MTRFR: variants seen among roughly 807,000 people sequenced by gnomAD.
The protein encoded by MTRFR is probable peptide chain release factor C12orf65, mitochondrial.
Under a neutral mutation model 11.9 loss-of-function variants are expected in MTRFR, and 10 were observed. The observed-to-expected ratio is 0.84, with a 90% CI of 0.52 to 1.42. The LOEUF (loss-of-function observed/expected upper bound fraction) is 1.42. Ranked by LOEUF, MTRFR falls within the 40% of genes most tolerant of loss-of-function variation. MTRFR has a pLI of 0.00. For missense variants in MTRFR, 196 were observed against 197.9 expected (o/e 0.99, Z 0.06); for synonymous variants, 77 against 79.1 (o/e 0.97, Z 0.14).
At chr12:123,238,290 T>C (rs2047882049) in intron 1 of MTRFR, among the ~76,000 whole-genome samples, 1 of 152,164 alleles carries the variant, frequency 6.6e-6, no homozygotes, top group Non-Finnish European at 1.5e-5. Flanking sequence ...GCTGGCCGTT[T>C]TGTCTTTTCA....
chr12:123,254,752 A>G (rs926280905), intron 2 of MTRFR: 1 of 152,222 alleles, frequency 6.6e-6, no homozygotes, highest in Non-Finnish European at 1.5e-5. Flanking sequence ...TCTGGTCAAC[A>G]TGGCAAAACC....
At chr12:123,237,930 C>CT (rs1657556244) in intron 1 of MTRFR, among the ~76,000 whole-genome samples, 1 of 150,830 alleles carries the variant, frequency 6.6e-6, no homozygotes, top group South Asian at 2.1e-4. Context: ...GAGTCTCACT[C>CT]TGTCACCCAG....
intron 1 of MTRFR, among the ~76,000 whole-genome samples, chr12:123,245,734 C>T (rs2048029971): frequency 6.6e-6 from 1 of 152,150 alleles, no homozygotes; most frequent in African/African-American, 2.4e-5. Context: ...AGAAAAGCTA[C>T]TGATTTGTGT....
At chr12:123,247,855 G>A (rs1476799391) in intron 1 of MTRFR, among the ~76,000 whole-genome samples, 3 of 151,950 alleles carry the variant, frequency 2.0e-5, no homozygotes, top group Non-Finnish European at 2.9e-5. Flanking sequence ...TGAGGCAGGA[G>A]AATGGCATGA....
intron 1 of MTRFR, chr12:123,250,331 C>G (rs1378479603): frequency 6.6e-6 from 1 of 152,156 alleles, no homozygotes; most frequent in Non-Finnish European, 1.5e-5. Flanking sequence ...TTCTCTGGTC[C>G]TTCCCTGATT....
Position 123,257,593 on chromosome 12 carries a change from A to C in MTRFR, c.*562A>C, listed in dbSNP as rs2048197376. 1 of 154,790 alleles carries C rather than the reference A, an allele frequency of 6.5e-6. No homozygotes were observed. Among genetic ancestry groups the C allele is most frequent in the Non-Finnish European group, 1.4e-5 (1 of 69,804 alleles). 9.6% of individuals were successfully genotyped at this position (154,790 alleles called of 1,614,324 possible). ...TATAATCCCAGCACCTTGGGAGGCT[A>C]AGACAGGAAGATCACCTGAGCCCAG... On this transcript the variant is annotated 3_prime_UTR_variant, in exon 3 of 3. Transcript: ENST00000253233.
At chr12:123,241,571 C>T (rs2047937660) in intron 1 of MTRFR, among the ~76,000 whole-genome samples, 1 of 152,064 alleles carries the variant, frequency 6.6e-6, no homozygotes, top group South Asian at 2.1e-4. Context: ...AATTCCTGAC[C>T]TCAGGTGATC....
chr12:123,246,295 C>CT (rs2048039052), intron 1 of MTRFR, among the ~76,000 whole-genome samples: 1 of 152,004 alleles, frequency 6.6e-6, no homozygotes, highest in South Asian at 2.1e-4. Context: ...TCAGGTGATC[C>CT]ACACTCCTCG....
rs1470451632 is a variant in MTRFR, at chr12:123,254,278, A to C, written c.282+322A>C. On this transcript the variant is annotated intron_variant, in intron 2 of 2. Transcript: ENST00000253233. Reference sequence around the variant, plus strand: ...CCGGAAGCAACGTCTTGACAAAGCTAAGCAGTGGCTGATAAAGGCAGGCGC... The same window carrying C: ...CCGGAAGCAACGTCTTGACAAAGCTCAGCAGTGGCTGATAAAGGCAGGCGC... 1.8e-5 allele frequency: 6 copies of C among 326,916 alleles called. No homozygotes were observed. The East Asian group carries it at 3.8e-4, about 21-fold the overall frequency. The allele number at this position is 326,916 out of a possible 1,614,324, so 20.3% of individuals were successfully genotyped here.
intron 1 of MTRFR, among the ~76,000 whole-genome samples, chr12:123,246,968 A>G (rs1255802334): frequency 1.3e-5 from 2 of 151,738 alleles, no homozygotes; most frequent in African/African-American, 4.8e-5. Flanking sequence ...CGACCTTGTG[A>G]TCCACCTGCC....
rs781746861 is a variant in MTRFR, at chr12:123,253,948, G to A, written c.274G>A (p.Val92Ile). Residue 92 changes from valine to isoleucine, a missense_variant, in exon 2 of 3, where the codon GTT becomes ATT. By Grantham distance (29) the Val-to-Ile change is conservative (BLOSUM62 3). Transcript: ENST00000253233. Reference protein sequence around the residue: ...VVLKHIPSGIVVKCHQTRSVD... With the variant: ...VVLKHIPSGIIVKCHQTRSVD... ...GCTGAAGCACATCCCCTCAGGCATC[G>A]TTGTAAAGGTAGATCACAGAAGGCC... is the stretch of plus-strand genomic sequence containing the variant. 1.2e-5 allele frequency: 19 copies of A among 1,614,134 alleles called. No homozygotes were observed. Among genetic ancestry groups the A allele is most frequent in the East Asian group, 2.2e-5 (1 of 44,880 alleles).
In MTRFR at chr12:123,257,104, AC is replaced by A; in HGVS notation, c.*75del. The A allele has an allele frequency of 8.7e-7, 1 of 1,152,214 alleles. No homozygotes were observed. Among genetic ancestry groups the A allele is most frequent in the Non-Finnish European group, 1.3e-6 (1 of 774,742 alleles). 71.4% of individuals were successfully genotyped at this position (1,152,214 alleles called of 1,614,324 possible). A position where few individuals can be genotyped will look rare whatever the true frequency, so the allele number is the denominator to read the frequency against. ...GGGAATAATGGTGGCGAGTTCCATC[AC>A]CAGCATTATTATAGTGCTTCAAAAG... is the stretch of plus-strand genomic sequence containing the variant. On this transcript the variant is annotated 3_prime_UTR_variant, in exon 3 of 3. Coordinates refer to ENST00000253233, the MANE Select transcript of MTRFR (RefSeq NM_152269.5).
intron 1 of MTRFR, chr12:123,244,155 G>A (rs12817892): frequency 0.16 from 24,730 of 152,264 alleles, 2,345 homozygotes; most frequent in Middle Eastern, 0.26. Flanking sequence ...CACAGGCCGG[G>A]CGCGGTGTGG....
chr12:123,242,459 A>G (rs772496856), intron 1 of MTRFR, among the ~76,000 whole-genome samples: 16 of 152,202 alleles, frequency 1.1e-4, no homozygotes, highest in Non-Finnish European at 2.4e-4. Context: ...CTGTATCACA[A>G]ACACTGAAAT....
At chr12:123,237,016 C>T (rs915295554) in intron 1 of MTRFR, among the ~76,000 whole-genome samples, 6 of 151,838 alleles carry the variant, frequency 4.0e-5, no homozygotes, top group African/African-American at 1.5e-4. Flanking sequence ...ATCTGGAAGG[C>T]GGAGGTTGCA....
intron 1 of MTRFR, among the ~76,000 whole-genome samples, chr12:123,246,702 AATTTC>A (rs2048045293): frequency 7.4e-6 from 1 of 134,962 alleles, no homozygotes; most frequent in Non-Finnish European, 1.5e-5. Context: ...TGCTTGATAT[AATTTC>A]AATTTTTTTT....
At chr12:123,254,591 G>A (rs536501144) in intron 2 of MTRFR, 1 of 153,580 alleles carries the variant, frequency 6.5e-6, no homozygotes, top group Non-Finnish European at 1.4e-5. Flanking sequence ...AACCTCAGAA[G>A]AAAAAATGCT....
chr12:123,248,351 T>C (rs893720597), intron 1 of MTRFR: 1 of 152,350 alleles, frequency 6.6e-6, no homozygotes. Context: ...TCTGATAGGT[T>C]TTCCTTTATA....
chr12:123,245,264 C>T (rs184335827), intron 1 of MTRFR, among the ~76,000 whole-genome samples: 17 of 152,242 alleles, frequency 1.1e-4, no homozygotes, highest in African/African-American at 1.7e-4. Context: ...ACCAGTACCA[C>T]GCTGTTTTGG....
Sources: allele counts gnomAD v4.1 joint callset (sites outside exome capture counted in the v4.1 genomes callset), GRCh38; gene constraint gnomAD v4.1.1; transcripts MANE v1.5; gene names NCBI Gene and HGNC (gene_info 2026-07-23, HGNC 2026-07-21).